The following PDGFRL variants were observed in gnomAD, a reference collection of about 807,000 sequenced individuals.
The protein encoded by PDGFRL is platelet derived growth factor receptor like.
In PDGFRL, 46 loss-of-function variants were observed where a neutral mutation model predicts 37.2. That is an observed-to-expected ratio of 1.24 (90% CI 0.98 to 1.58). The LOEUF (loss-of-function observed/expected upper bound fraction) is 1.58. Ranked by LOEUF, PDGFRL falls within the 40% of genes most tolerant of loss-of-function variation. The probability of loss-of-function intolerance (pLI) is 0.00; values close to 1 mark genes in which losing one functional copy is unlikely to be tolerated. For synonymous variants in PDGFRL, 251 were observed against 184.3 expected, an observed-to-expected ratio of 1.36 and a Z score of -2.93; for missense variants, 692 against 467.6, an observed-to-expected ratio of 1.48 and a Z score of -4.43.
chr8:17,628,640 G>A lies in PDGFRL; in HGVS notation c.659G>A (p.Gly220Glu). ...EFPAKEIPAN[G>E]TDIVYDMKRG... ...CCAGCCAAGGAGATCCCAGCCAATG[G>A]AACGGACATTGTTTATGACATGAAG... Residue 220 changes from glycine to glutamate, a missense_variant, in exon 4 of 6, where the codon GGA becomes GAA. Gly to Glu is a moderately conservative substitution (Grantham distance 98, BLOSUM62 -2). Coordinates refer to ENST00000251630, the MANE Select transcript of PDGFRL (RefSeq NM_001372073.1). 3 of 1,614,200 alleles carry A rather than the reference G, an allele frequency of 1.9e-6. No individual in the cohort carries two copies. Among genetic ancestry groups the A allele is most frequent in the Non-Finnish European group, 2.5e-6 (3 of 1,180,040 alleles).
chr8:17,594,871 C>T (rs1002497977), intron 2 of PDGFRL, among the ~76,000 whole-genome samples: 6 of 152,196 alleles, frequency 3.9e-5, no homozygotes, highest in Admixed American at 1.3e-4. Flanking sequence ...CATCATCCAG[C>T]GATAGGCATT....
At chr8:17,586,471 G>A (rs1051624503) in intron 1 of PDGFRL, among the ~76,000 whole-genome samples, 1 of 152,212 alleles carries the variant, frequency 6.6e-6, no homozygotes, top group Non-Finnish European at 1.5e-5. Flanking sequence ...CTAAGTGGAT[G>A]GAGAGGCAAT....
chr8:17,633,625 C>T (rs2237845), intron 4 of PDGFRL, among the ~76,000 whole-genome samples: 93,282 of 151,744 alleles, frequency 0.61, 32,845 homozygotes, highest in Non-Finnish European at 0.8. Flanking sequence ...AGCACTCATG[C>T]CCAAACATCT....
At chr8:17,595,354 G>C (rs1047738221) in intron 2 of PDGFRL, among the ~76,000 whole-genome samples, 1 of 152,158 alleles carries the variant, frequency 6.6e-6, no homozygotes, top group Non-Finnish European at 1.5e-5. Context: ...GGTCTGGGCA[G>C]GCCCAGCTCA....
At chr8:17,579,623 G>C (rs966576310) in intron 1 of PDGFRL, among the ~76,000 whole-genome samples, 1 of 151,282 alleles carries the variant, frequency 6.6e-6, no homozygotes, top group Non-Finnish European at 1.5e-5. Context: ...GTGGAGTGCA[G>C]TGGCACAATC....
chr8:17,604,611 G>A (rs565051950), intron 2 of PDGFRL, among the ~76,000 whole-genome samples: 49 of 152,218 alleles, frequency 3.2e-4, no homozygotes, highest in African/African-American at 1.2e-3. Flanking sequence ...GAGAGGGATA[G>A]CATTAGGAGA....
intron 5 of PDGFRL, among the ~76,000 whole-genome samples, chr8:17,635,142 T>C (rs939194029): frequency 2.0e-5 from 3 of 152,146 alleles, no homozygotes; most frequent in Non-Finnish European, 2.9e-5. Context: ...ATATATTTTG[T>C]CATTTTTGAT....
In PDGFRL at chr8:17,642,974, A is replaced by T. The variant is rs1371710128; in HGVS notation, c.*173A>T. 2 of 554,754 alleles carry T rather than the reference A, an allele frequency of 3.6e-6. No homozygotes were observed. The highest frequency in any genetic ancestry group is 6.0e-5 in the East Asian group (2 of 33,078). 34.4% of individuals were successfully genotyped at this position (554,754 alleles called of 1,614,324 possible). On this transcript the variant is annotated 3_prime_UTR_variant, in exon 6 of 6. Coordinates refer to ENST00000251630, the MANE Select transcript of PDGFRL (RefSeq NM_001372073.1). ...AAACTAAAAGGAAGTCATCCAGTCT[A>T]TTCACAGAAGTGTTAACTTTTCTAA...
intron 2 of PDGFRL, among the ~76,000 whole-genome samples, chr8:17,614,260 T>C (rs575146476): frequency 2.6e-4 from 39 of 152,354 alleles, no homozygotes; most frequent in African/African-American, 8.7e-4. Flanking sequence ...CCTGAGATCA[T>C]CATGCATATT....
chr8:17,628,231 T>C (rs1253317643), intron 3 of PDGFRL, among the ~76,000 whole-genome samples: 1 of 151,298 alleles, frequency 6.6e-6, no homozygotes, highest in African/African-American at 2.4e-5. Context: ...CCTGACCTCG[T>C]GATCTGCCCG....
chr8:17,625,134 TC>T (rs765214732), intron 3 of PDGFRL, among the ~76,000 whole-genome samples: 1 of 3,400 alleles, frequency 2.9e-4, no homozygotes, highest in African/African-American at 4.5e-4. Flanking sequence ...AAGCTATCCC[TC>T]CCCCCCCCGC....
intron 2 of PDGFRL, among the ~76,000 whole-genome samples, chr8:17,600,262 G>A (rs996655081): frequency 2.0e-5 from 3 of 152,060 alleles, no homozygotes; most frequent in Admixed American, 2.0e-4. Flanking sequence ...ACTCCATTTA[G>A]CTGAGTGAAG....
At chr8:17,620,077 C>T (rs958991772) in intron 2 of PDGFRL, among the ~76,000 whole-genome samples, 1 of 152,136 alleles carries the variant, frequency 6.6e-6, no homozygotes, top group African/African-American at 2.4e-5. Context: ...ATCTTCCTGC[C>T]TTAGCCTACC....
At position 17,621,155 on chromosome 8, in the gene PDGFRL, G is replaced by A; in HGVS notation, c.458G>A (p.Cys153Tyr). The change falls in exon 3 of 6, where the codon TGC (cysteine) becomes TAC (tyrosine). Residue 153 changes from cysteine to tyrosine, a missense_variant. Physicochemically the swap from Cys to Tyr is radical, Grantham distance 194. Coordinates refer to ENST00000251630, the MANE Select transcript of PDGFRL (RefSeq NM_001372073.1). ...CWVQLCSGYI[C>Y]RKDEAKTGST... Reference sequence around the variant, plus strand: ...GTGCAGCTCTGCAGCGGCTACATCTGCAGGAAGGACGAGGCCAAAACGGGC... The same window carrying A: ...GTGCAGCTCTGCAGCGGCTACATCTACAGGAAGGACGAGGCCAAAACGGGC... 6.2e-7 allele frequency: 1 copy of A among 1,611,718 alleles called. No homozygotes were observed. The highest frequency in any genetic ancestry group is 1.1e-5 in the South Asian group (1 of 90,770).
intron 2 of PDGFRL, among the ~76,000 whole-genome samples, chr8:17,604,538 G>A (rs932504940): frequency 2.0e-5 from 3 of 151,846 alleles, no homozygotes; most frequent in African/African-American, 7.3e-5. Flanking sequence ...TGAACAACGA[G>A]AATGCATGGA....
intron 5 of PDGFRL, among the ~76,000 whole-genome samples, chr8:17,639,458 C>T (rs4921793): frequency 0.8 from 121,396 of 152,092 alleles, 49,764 homozygotes; most frequent in Non-Finnish European, 0.9. Flanking sequence ...GCATTTCTTA[C>T]AGTGCTGGGT....
chr8:17,587,173 G>T (rs1163232577), intron 1 of PDGFRL, among the ~76,000 whole-genome samples: 2 of 152,168 alleles, frequency 1.3e-5, no homozygotes, highest in African/African-American at 4.8e-5. Context: ...CAATTCTGTG[G>T]TCAGGCAGCT....
intron 2 of PDGFRL, among the ~76,000 whole-genome samples, chr8:17,611,392 A>C (rs62498049): frequency 0.18 from 26,834 of 152,180 alleles, 2,498 homozygotes; most frequent in South Asian, 0.33. Context: ...TCACATAGCC[A>C]GTAACTGGTA....
intron 2 of PDGFRL, among the ~76,000 whole-genome samples, chr8:17,597,318 G>C (rs535047754): frequency 1.3e-5 from 2 of 152,336 alleles, no homozygotes; most frequent in East Asian, 3.9e-4. Context: ...TCCTCGTCCA[G>C]CCAAGCCTTG....
Sources: gnomAD v4.1 joint callset for allele counts (sites outside exome capture counted in the v4.1 genomes callset) on GRCh38, gnomAD v4.1.1 for gene constraint, MANE v1.5 for transcripts, NCBI Gene and HGNC (gene_info 2026-07-23, HGNC 2026-07-21) for gene names.